The following TRIM46 variants were observed in gnomAD, a reference collection of about 807,000 sequenced individuals.
TRIM46 encodes tripartite motif containing 46.
TRIM46 carries 17 observed loss-of-function variants against 69.7 expected under a neutral mutation model. That is an observed-to-expected ratio of 0.24 (90% CI 0.17 to 0.37). The LOEUF is 0.37. TRIM46 is among the 10% of genes least tolerant of loss of function. The probability of loss-of-function intolerance (pLI) is 1.00; values close to 1 mark genes in which losing one functional copy is unlikely to be tolerated. For synonymous variants in TRIM46, 391 were observed against 429.0 expected (o/e 0.91, Z 1.09); for missense variants, 675 against 1,025.1 (o/e 0.66, Z 4.66).
rs887863219 is a variant in TRIM46, at chr1:155,184,426, CCACT to C, written c.*237_*240del. 7.1e-5 allele frequency: 39 copies of C among 551,612 alleles called. No individual in the cohort carries two copies. The Admixed American group carries it at 9.9e-4, about 14-fold the overall frequency. 34.2% of individuals were successfully genotyped at this position (551,612 alleles called of 1,614,324 possible). On this transcript the variant is annotated 3_prime_UTR_variant, in exon 10 of 10. Transcript: ENST00000334634. The surrounding 1 kb of genome is among the most constrained non-coding windows in gnomAD (Gnocchi z 5.6). ...TTGCTTGTTAGCCAGGCCCCCACCC[CCACT>C]GAGTCTGCCCTATGACCTGCCTTTG... is the stretch of plus-strand genomic sequence containing the variant.
Position 155,176,989 on chromosome 1 carries a change from C to A in TRIM46, c.727C>A (p.Arg243Ser), listed in dbSNP as rs762747451. 5 of 1,614,118 alleles carry A rather than the reference C, an allele frequency of 3.1e-6. No homozygotes were observed. Among genetic ancestry groups the A allele is most frequent in the Non-Finnish European group, 4.2e-6 (5 of 1,180,026 alleles). ...GACCCACTACTGCAAGACATGCCAA[C>A]GCCTGGTATGTCAACTCTGCCGGGT... ...EVTHYCKTCQRLVCQLCRVRR... is the reference protein window; with the variant it reads ...EVTHYCKTCQSLVCQLCRVRR... The change falls in exon 4 of 10, where the codon CGC (arginine) becomes AGC (serine). Residue 243 changes from arginine (R) to serine (S), a missense_variant. Transcript: ENST00000334634.
At chr1:155,178,328 A>G in intron 6 of TRIM46, 73 bp downstream of exon 6, 1 of 1,558,398 alleles carries the variant, frequency 6.4e-7, no homozygotes, top group East Asian at 2.3e-5. Flanking sequence ...CAATGTCTAC[A>G]GTACTGCCAG....
Position 155,177,287 on chromosome 1 carries a change from C to T in TRIM46, c.906C>T (p.Thr302=), listed in dbSNP as rs140001203. The stretch of plus-strand genomic sequence containing the variant: ...AGCTGGAGGAGGCCGTGAGGCACAC[C>T]GAGGTGAGGGAGGGCACAGAGGTAG... The part of the protein sequence containing the change: ...ICELEEAVRH[T]EVSGQQAKEE... The change falls in exon 5 of 10, where the codon ACC becomes ACT. Residue 302 remains threonine, a synonymous_variant. Coordinates refer to ENST00000334634, the MANE Select transcript of TRIM46 (RefSeq NM_025058.5). The T allele has an allele frequency of 1.4e-4, 220 of 1,613,748 alleles. No individual in the cohort carries two copies. The highest frequency in any genetic ancestry group is 1.7e-4 in the Non-Finnish European group (206 of 1,179,852).
At chr1:155,180,504 A>C (rs1001901116) in intron 8 of TRIM46, 1 of 398,736 alleles carries the variant, frequency 2.5e-6, no homozygotes, top group South Asian at 6.6e-5. Flanking sequence ...CTGAGGTAGG[A>C]GAATCGCTTG....
intron 1 of TRIM46, among the ~76,000 whole-genome samples, chr1:155,174,269 A>C (rs1349169938): frequency 6.6e-6 from 1 of 152,094 alleles, no homozygotes; most frequent in Admixed American, 6.5e-5. Flanking sequence ...GGAGCAGCCC[A>C]GACGCAGCGG....
At chr1:155,176,687 T>C (rs1665679906) in intron 3 of TRIM46, among the ~76,000 whole-genome samples, 2 of 152,208 alleles carry the variant, frequency 1.3e-5, no homozygotes, top group Admixed American at 1.3e-4. Context: ...TTACTGTTAT[T>C]ACCATATATC....
Position 155,184,141 on chromosome 1 carries a change from C to G in TRIM46, c.2231C>G (p.Thr744Ser), listed in dbSNP as rs754358120. The G allele has an allele frequency of 1.9e-6, 3 of 1,613,694 alleles. No homozygotes were observed. Among genetic ancestry groups the G allele is most frequent in the Non-Finnish European group, 2.5e-6 (3 of 1,179,944 alleles). ...GAVQLQEPVG[T>S]KPERKVTIGG... is the part of the protein sequence containing the mutation. ...GTACAGCTCCAGGAGCCAGTGGGCA[C>G]TAAGCCTGAGAGGAAAGTCACCATT... is the stretch of plus-strand genomic sequence containing the variant. The change falls in exon 10 of 10, where the codon ACT becomes AGT. Residue 744 changes from threonine to serine, a missense_variant. Coordinates refer to ENST00000334634, the MANE Select transcript of TRIM46 (RefSeq NM_025058.5). The surrounding 1 kb of genome is among the most constrained non-coding windows in gnomAD (Gnocchi z 5.6).
At position 155,177,088 on chromosome 1, in the gene TRIM46, C is replaced by T. The variant is rs186447601; in HGVS notation, c.813+13C>T. 6.2e-7 allele frequency: 1 copy of T among 1,612,456 alleles called. No individual in the cohort carries two copies. The highest frequency in any genetic ancestry group is 1.1e-5 in the South Asian group (1 of 91,062). On this transcript the variant is annotated intron_variant, in intron 4 of 9. Transcript: ENST00000334634. ...CCAGGCCCTCAAGGTAAGGACCCCC[C>T]TTATCCAACCCTAGTGCTAACTCAC...
chr1:155,182,292 TGG>T, intron 9 of TRIM46, 143 bp downstream of exon 9: 12 of 969,352 alleles, frequency 1.2e-5, no homozygotes, highest in Non-Finnish European at 1.6e-5. Flanking sequence ...GAAGCCAGGC[TGG>T]GAGGCCTGTG....
chr1:155,175,754 TG>T lies in TRIM46; in HGVS notation c.325+109del, dbSNP rs1665602177. 6.3e-7 allele frequency: 1 copy of T among 1,589,676 alleles called. No individual in the cohort carries two copies. The highest frequency in any genetic ancestry group is 1.3e-5 in the African/African-American group (1 of 74,280). On this transcript the variant is annotated intron_variant, in intron 2 of 9. Coordinates refer to ENST00000334634, the MANE Select transcript of TRIM46 (RefSeq NM_025058.5). This position sits in a 1 kb window ranked among gnomAD's most constrained non-coding sequence, Gnocchi z 4.2. ...GGCATCTGTCTGTCTTTCTGGGGGG[TG>T]GAGATACTGCTTACGCAGGCTCTAA...
Position 155,181,848 on chromosome 1 carries a change from C to T in TRIM46, c.1589-4C>T, listed in dbSNP as rs527889255. On this transcript the variant is annotated splice_polypyrimidine_tract_variant and splice_region_variant and intron_variant, in intron 8 of 9. Transcript: ENST00000334634. The surrounding 1 kb of genome is among the most constrained non-coding windows in gnomAD (Gnocchi z 4.3). ...CTCCATCTCAACCCTCTCCCTCCTT[C>T]CAGTCCTGCACTTCTTCCTCGATAG... is the stretch of plus-strand genomic sequence containing the variant. 1 of 1,606,364 alleles carries T rather than the reference C, an allele frequency of 6.2e-7. No individual in the cohort carries two copies. The highest frequency in any genetic ancestry group is 1.3e-5 in the African/African-American group (1 of 74,818).
Position 155,181,016 on chromosome 1 carries a change from C to T in TRIM46, c.1589-836C>T, listed in dbSNP as rs1370938490. On this transcript the variant is annotated intron_variant, in intron 8 of 9. Coordinates refer to ENST00000334634, the MANE Select transcript of TRIM46 (RefSeq NM_025058.5). The surrounding 1 kb of genome is among the most constrained non-coding windows in gnomAD (Gnocchi z 4.3). ...TTGGGAGGCCGAGGTGGATGGATCA[C>T]GAGGTCAGGCGTTCAAGACCAGCCT... is the stretch of plus-strand genomic sequence containing the variant. Among the ~76,000 whole-genome samples the T allele has an allele frequency of 6.6e-6, 1 of 152,138 alleles. No homozygotes were observed. Among genetic ancestry groups the T allele is most frequent in the African/African-American group, 2.4e-5 (1 of 41,422 alleles).
At chr1:155,182,926 T>TTG (rs1276602310) in intron 9 of TRIM46, 5 of 149,784 alleles carry the variant, frequency 3.3e-5, no homozygotes, top group Admixed American at 6.6e-5. Context: ...TTTTTTTTTT[T>TTG]TTGAAATGGA....
At chr1:155,183,705 C>A in intron 9 of TRIM46, 92 bp from the exon 10 acceptor site, 1 of 1,527,072 alleles carries the variant, frequency 6.5e-7, no homozygotes, top group Non-Finnish European at 8.8e-7. Flanking sequence ...ACCTCTTGCT[C>A]CTTAACATTC....
At chr1:155,178,739 T>TTGCG in intron 7 of TRIM46, 126 bp downstream of exon 7, 1 of 1,348,472 alleles carries the variant, frequency 7.4e-7, no homozygotes, top group Non-Finnish European at 1.0e-6. Context: ...CAGCCATTCC[T>TTGCG]CCCACCCAGC....
In TRIM46 at chr1:155,173,852, G is replaced by T. The variant is rs1220569010; in HGVS notation, c.-115G>T. The stretch of plus-strand genomic sequence containing the variant: ...GAGGCTGGTCCCGGGAGCATGCGCA[G>T]TGACACCTCAACCCCCAGCCCTCCT... On this transcript the variant is annotated 5_prime_UTR_variant, in exon 1 of 10. Transcript: ENST00000334634. 5 of 1,072,926 alleles carry T rather than the reference G, an allele frequency of 4.7e-6. No individual in the cohort carries two copies. In the African/African-American group the frequency reaches 6.2e-5, roughly 13 times the overall value. The allele number at this position is 1,072,926 out of a possible 1,614,324, so 66.5% of individuals were successfully genotyped here. A position where few individuals can be genotyped will look rare whatever the true frequency, so the allele number is the denominator to read the frequency against.
chr1:155,177,993 C>T lies in TRIM46; in HGVS notation c.910-9C>T. Reference sequence around the variant, plus strand: ...GTCACGCATCCTTTGGGTGTTGCTCCCTGGGCAGGTGAGTGGTCAGCAGGC... The same window carrying T: ...GTCACGCATCCTTTGGGTGTTGCTCTCTGGGCAGGTGAGTGGTCAGCAGGC... On this transcript the variant is annotated splice_polypyrimidine_tract_variant and intron_variant, in intron 5 of 9. Transcript: ENST00000334634. 5 of 1,611,674 alleles carry T rather than the reference C, an allele frequency of 3.1e-6. No homozygotes were observed. The highest frequency in any genetic ancestry group is 4.2e-6 in the Non-Finnish European group (5 of 1,179,082).
At position 155,184,011 on chromosome 1, in the gene TRIM46, C is replaced by T. The variant is rs1279255486; in HGVS notation, c.2101C>T (p.Arg701Trp). 6.2e-6 allele frequency: 10 copies of T among 1,613,986 alleles called. No individual in the cohort carries two copies. The highest frequency in any genetic ancestry group is 2.2e-5 in the East Asian group (1 of 44,888). Residue 701 changes from arginine to tryptophan, a missense_variant, in exon 10 of 10, where the codon CGG becomes TGG. Arg to Trp is a moderately radical substitution (Grantham distance 101, BLOSUM62 -3). Coordinates refer to ENST00000334634, the MANE Select transcript of TRIM46 (RefSeq NM_025058.5). This position sits in a 1 kb window ranked among gnomAD's most constrained non-coding sequence, Gnocchi z 5.6. ...CATCTGCCTGGACTATGAGCGGGGCCGGGTTTCCTTCCTGGATGCTGTTTC... is the reference window on the plus strand; with the variant it reads ...CATCTGCCTGGACTATGAGCGGGGCTGGGTTTCCTTCCTGGATGCTGTTTC... ...LGICLDYERG[R>W]VSFLDAVSFR... is the part of the protein sequence containing the mutation.
At position 155,176,024 on chromosome 1, in the gene TRIM46, G is replaced by C. The variant is rs1331981534; in HGVS notation, c.462G>C (p.Glu154Asp). 6.2e-7 allele frequency: 1 copy of C among 1,614,056 alleles called. No individual in the cohort carries two copies. Among genetic ancestry groups the C allele is most frequent in the African/African-American group, 1.3e-5 (1 of 74,924 alleles). ...LAGLFRNLTL[E>D]RVVERYRQSV... is the part of the protein sequence containing the mutation. ...GGCTTTTCCGGAACCTGACCCTGGA[G>C]CGTGTGGTGGAGCGGTACCGCCAGA... Residue 154 changes from glutamate to aspartate, a missense_variant, in exon 3 of 10, where the codon GAG becomes GAC. Glu to Asp is a conservative substitution (Grantham distance 45). Around this residue, in one of 5 missense-constraint regions of TRIM46, gnomAD observed 170 missense variants for 255.6 expected, o/e 0.67. Coordinates refer to ENST00000334634, the MANE Select transcript of TRIM46 (RefSeq NM_025058.5).
Sources: allele counts gnomAD v4.1 joint callset (sites outside exome capture counted in the v4.1 genomes callset), GRCh38; gene constraint gnomAD v4.1.1; regional missense constraint gnomAD v4.1.1; non-coding constraint Gnocchi (gnomAD v3.1); transcripts MANE v1.5; gene names NCBI Gene and HGNC (gene_info 2026-07-23, HGNC 2026-07-21).